NCAM2: variants seen among roughly 807,000 people sequenced by gnomAD.
NCAM2 encodes neural cell adhesion molecule 2.
In NCAM2, 30 loss-of-function variants were observed where a neutral mutation model predicts 98.1. The ratio of observed to expected loss-of-function variants is 0.31; its 90% CI spans 0.23 to 0.41. The LOEUF (loss-of-function observed/expected upper bound fraction) is 0.41. Among genes scored for constraint, NCAM2 ranks in the 10% least tolerant of loss-of-function variants. The pLI is 1.00. For synonymous variants in NCAM2, 368 were observed against 342.4 expected, an observed-to-expected ratio of 1.07 and a Z score of -0.83; for missense variants, 867 against 1,005.8, an observed-to-expected ratio of 0.86 and a Z score of 1.87.
At chr21:21,428,126 G>T (rs3787605) in intron 11 of NCAM2, among the ~76,000 whole-genome samples, 1 of 152,160 alleles carries the variant, frequency 6.6e-6, no homozygotes, top group Admixed American at 6.5e-5. Context: ...TAGAGGTGAA[G>T]AGAAAGGGTA....
intron 1 of NCAM2, among the ~76,000 whole-genome samples, chr21:21,082,222 CT>C (rs199964567): frequency 1.1e-5 from 1 of 92,002 alleles, no homozygotes; most frequent in Non-Finnish European, 1.9e-5. Flanking sequence ...AGTGAGAATC[CT>C]TTAAAAAAAA....
chr21:21,241,603 T>A (rs991923787), intron 1 of NCAM2, among the ~76,000 whole-genome samples: 5 of 152,110 alleles, frequency 3.3e-5, no homozygotes, highest in Admixed American at 6.5e-5. Context: ...AGGGGTCTAA[T>A]GGCAAGCAGT....
intron 1 of NCAM2, among the ~76,000 whole-genome samples, chr21:21,186,516 T>C (rs538961103): frequency 6.6e-6 from 1 of 152,168 alleles, no homozygotes; most frequent in East Asian, 1.9e-4. Context: ...AAGAAACAGT[T>C]TAGTTATTGG....
intron 1 of NCAM2, among the ~76,000 whole-genome samples, chr21:21,057,435 G>A (rs1446029290): frequency 6.6e-6 from 1 of 152,040 alleles, no homozygotes; most frequent in East Asian, 1.9e-4. Context: ...AAGATTTTAT[G>A]CATGTAACCT....
intron 1 of NCAM2, among the ~76,000 whole-genome samples, chr21:21,134,879 A>T (rs2067010787): frequency 6.6e-6 from 1 of 151,790 alleles, no homozygotes; most frequent in Non-Finnish European, 1.5e-5. Flanking sequence ...ACACCTGGCT[A>T]TTTTTTTATT....
At chr21:21,461,957 A>T (rs543930251) in intron 12 of NCAM2, among the ~76,000 whole-genome samples, 1 of 152,130 alleles carries the variant, frequency 6.6e-6, no homozygotes, top group Non-Finnish European at 1.5e-5. Flanking sequence ...AAACAGTAAA[A>T]AATTATTTTT....
chr21:21,069,798 C>T (rs1260889036), intron 1 of NCAM2, among the ~76,000 whole-genome samples: 3 of 152,106 alleles, frequency 2.0e-5, no homozygotes, highest in South Asian at 2.1e-4. Context: ...CAACTCCTCT[C>T]GATGTCTACC....
intron 1 of NCAM2, among the ~76,000 whole-genome samples, chr21:21,240,671 T>C (rs1210344642): frequency 6.6e-6 from 1 of 152,214 alleles, no homozygotes; most frequent in Non-Finnish European, 1.5e-5. Context: ...TATTTTTATA[T>C]CTACCATCTC....
intron 1 of NCAM2, among the ~76,000 whole-genome samples, chr21:21,033,476 G>A (rs2064732027): frequency 6.6e-6 from 1 of 152,100 alleles, no homozygotes; most frequent in Admixed American, 6.6e-5. Context: ...AGGTCCAGAT[G>A]GTGGACGCTT....
intron 1 of NCAM2, among the ~76,000 whole-genome samples, chr21:21,059,656 T>A (rs1001832711): frequency 6.6e-6 from 1 of 152,134 alleles, no homozygotes; most frequent in African/African-American, 2.4e-5. Context: ...TTGCACAGTA[T>A]CCTCTTTGAT....
At chr21:21,163,012 CT>C (rs1335439454) in intron 1 of NCAM2, among the ~76,000 whole-genome samples, 1 of 152,076 alleles carries the variant, frequency 6.6e-6, no homozygotes, top group East Asian at 1.9e-4. Context: ...TTACTCAGTC[CT>C]TGTGCTTAAA....
At chr21:21,473,776 A>G (rs189641541) in intron 14 of NCAM2, among the ~76,000 whole-genome samples, 3 of 152,024 alleles carry the variant, frequency 2.0e-5, no homozygotes, top group Admixed American at 2.0e-4. Context: ...AGTGACCCTT[A>G]CACCTTGCCT....
chr21:21,376,861 G>C (rs114091290), intron 9 of NCAM2, among the ~76,000 whole-genome samples: 1 of 151,652 alleles, frequency 6.6e-6, no homozygotes, highest in Non-Finnish European at 1.5e-5. Flanking sequence ...AGGGATGAAA[G>C]GTCTTGTTTT....
intron 14 of NCAM2, among the ~76,000 whole-genome samples, chr21:21,475,207 G>A (rs1008713781): frequency 6.6e-6 from 1 of 151,898 alleles, no homozygotes; most frequent in African/African-American, 2.4e-5. Flanking sequence ...ACTCAATTAG[G>A]ACAAATGAAG....
chr21:21,219,300 A>G (rs1227490848), intron 1 of NCAM2, among the ~76,000 whole-genome samples: 2 of 152,176 alleles, frequency 1.3e-5, no homozygotes, highest in East Asian at 3.9e-4. Flanking sequence ...GATTGTGATA[A>G]TTTGCTTCAG....
chr21:21,527,435 G>A (rs1989388491), intron 16 of NCAM2, among the ~76,000 whole-genome samples: 1 of 151,986 alleles, frequency 6.6e-6, no homozygotes, highest in African/African-American at 2.4e-5. Flanking sequence ...CGGAATGGGA[G>A]GAAATATTTG....
chr21:21,072,498 T>C (rs1000934625), intron 1 of NCAM2, among the ~76,000 whole-genome samples: 3 of 152,190 alleles, frequency 2.0e-5, no homozygotes, highest in Non-Finnish European at 4.4e-5. Context: ...GGAAAAATGT[T>C]CAGTGGCATT....
At chr21:21,162,702 G>C (rs914403321) in intron 1 of NCAM2, among the ~76,000 whole-genome samples, 1 of 152,030 alleles carries the variant, frequency 6.6e-6, no homozygotes, top group African/African-American at 2.4e-5. Context: ...CCATGGAAAA[G>C]AAAAAGAAGT....
intron 12 of NCAM2, among the ~76,000 whole-genome samples, chr21:21,440,534 A>T (rs1979081072): frequency 6.6e-6 from 1 of 152,042 alleles, no homozygotes; most frequent in Non-Finnish European, 1.5e-5. Flanking sequence ...TACAAAAATT[A>T]GCTGGGTGTG....
Sources: allele counts gnomAD v4.1 joint callset (sites outside exome capture counted in the v4.1 genomes callset), GRCh38; gene constraint gnomAD v4.1.1; transcripts MANE v1.5; gene names NCBI Gene and HGNC (gene_info 2026-07-23, HGNC 2026-07-21).